Variants in BCAM observed in about 807,000 individuals in gnomAD.
The protein encoded by BCAM is basal cell adhesion molecule.
Under a neutral mutation model 72.4 loss-of-function variants are expected in BCAM, and 61 were observed. That is an observed-to-expected ratio of 0.84 (90% confidence interval 0.69 to 1.04). The LOEUF is 1.04. Among genes scored for constraint, BCAM ranks in the 50% least tolerant of loss-of-function variants. The probability of loss-of-function intolerance (pLI) is 0.00; values close to 1 mark genes in which losing one functional copy is unlikely to be tolerated. For synonymous variants in BCAM, 408 were observed against 384.2 expected, an observed-to-expected ratio of 1.06 and a Z score of -0.73; for missense variants, 909 against 895.0, an observed-to-expected ratio of 1.02 and a Z score of -0.20.
Position 44,820,833 on chromosome 19 carries a change from G to A in BCAM, c.1881+11G>A, listed in dbSNP as rs1844613748. 11 of 1,520,154 alleles carry A rather than the reference G, an allele frequency of 7.2e-6. No individual in the cohort carries two copies. In the East Asian group the frequency reaches 9.9e-5, roughly 14 times the overall value. The allele number at this position is 1,520,154 out of a possible 1,614,324, so 94.2% of individuals were successfully genotyped here. A position where few individuals can be genotyped will look rare whatever the true frequency, so the allele number is the denominator to read the frequency against. The stretch of plus-strand genomic sequence containing the variant: ...GGCTTCGGAGACGAGGTGGGTGAGG[G>A]CCTGGGCCCCCTGGTGAGAGGGACC... On this transcript the variant is annotated intron_variant, in intron 14 of 14. Transcript: ENST00000270233.
chr19:44,818,664 C>A lies in BCAM; in HGVS notation c.1194+27C>A. ...TGAGAGGGAGAGGAGCCCCCTCGGG[C>A]CCTGCACTCGCACCCTCCTCTCTCC... is the stretch of plus-strand genomic sequence containing the variant. On this transcript the variant is annotated intron_variant, in intron 9 of 14. Transcript: ENST00000270233. This position sits in a 1 kb window ranked among gnomAD's most constrained non-coding sequence, Gnocchi z 4.6. 6.2e-7 allele frequency: 1 copy of A among 1,612,182 alleles called. No homozygotes were observed. The highest frequency in any genetic ancestry group is 8.5e-7 in the Non-Finnish European group (1 of 1,178,540).
chr19:44,809,203 C>A lies in BCAM; in HGVS notation c.79C>A (p.Pro27Thr). 6.8e-7 allele frequency: 1 copy of A among 1,473,510 alleles called. No individual in the cohort carries two copies. The highest frequency in any genetic ancestry group is 2.3e-5 in the Admixed American group (1 of 42,564). The allele number at this position is 1,473,510 out of a possible 1,614,324, so 91.3% of individuals were successfully genotyped here. Residue 27 changes from proline (P) to threonine (T), a missense_variant, in exon 1 of 15, where the codon CCA becomes ACA. Pro to Thr is a conservative substitution (Grantham distance 38). Coordinates refer to ENST00000270233, the MANE Select transcript of BCAM (RefSeq NM_005581.5). ...LLLAVLLAAH[P>T]DAQAEVRLSV... ...GCTCGCAGTCCTGCTGGCGGCGCAC[C>A]CAGGTATGGCTCGGGCTGAGGGCAA...
At position 44,813,436 on chromosome 19, in the gene BCAM, A is replaced by G; in HGVS notation, c.602-2A>G. 6.2e-7 allele frequency: 1 copy of G among 1,610,580 alleles called. No individual in the cohort carries two copies. The highest frequency in any genetic ancestry group is 8.5e-7 in the Non-Finnish European group (1 of 1,179,096). ...ACTGCCACCTCCCCCGATCTCTCCC[A>G]GAGGGCTACATGACCAGCCGCACGG... On this transcript the variant is annotated splice_acceptor_variant, in intron 5 of 14. Coordinates refer to ENST00000270233, the MANE Select transcript of BCAM (RefSeq NM_005581.5). LOFTEE classifies it high-confidence loss of function. This position sits in a 1 kb window ranked among gnomAD's most constrained non-coding sequence, Gnocchi z 4.2.
chr19:44,813,267 C>G lies in BCAM; in HGVS notation c.522C>G (p.Ser174Arg). ...DSAQEIATCN[S>R]RNGNPAPKIT... ...TGCCTCAGATCGCCACCTGCAACAG[C>G]CGGAACGGGAACCCGGCCCCCAAGA... The change falls in exon 5 of 15, where the codon AGC becomes AGG. Residue 174 changes from serine to arginine, a missense_variant. Ser to Arg is a moderately radical substitution (Grantham distance 110, BLOSUM62 -1). Transcript: ENST00000270233. This position sits in a 1 kb window ranked among gnomAD's most constrained non-coding sequence, Gnocchi z 4.2. 6.2e-7 allele frequency: 1 copy of G among 1,614,104 alleles called. No homozygotes were observed. Among genetic ancestry groups the G allele is most frequent in the Non-Finnish European group, 8.5e-7 (1 of 1,180,014 alleles).
In BCAM at chr19:44,814,137, C is replaced by T. The variant is rs373025182; in HGVS notation, c.785-15C>T. The T allele has an allele frequency of 1.5e-5, 24 of 1,573,394 alleles. No homozygotes were observed. In the African/African-American group the frequency reaches 2.6e-4, roughly 17 times the overall value. ...TCCCCTGATCACAATTCCCATCTCC[C>T]TGCCCTTCCCTTAGATCCCACGGAG... On this transcript the variant is annotated splice_polypyrimidine_tract_variant and intron_variant, in intron 6 of 14. Coordinates refer to ENST00000270233, the MANE Select transcript of BCAM (RefSeq NM_005581.5). The surrounding 1 kb of genome is among the most constrained non-coding windows in gnomAD (Gnocchi z 4.6).
rs1044072401 is a variant in BCAM, at chr19:44,821,377, G to A, written c.*456G>A. ...ACCTCCGCCCCACCCCATCATCTGT[G>A]GACACTGGAGTCTGGAATAAATGCT... On this transcript the variant is annotated 3_prime_UTR_variant, in exon 15 of 15. Coordinates refer to ENST00000270233, the MANE Select transcript of BCAM (RefSeq NM_005581.5). 6.5e-6 allele frequency: 1 copy of A among 152,710 alleles called. No individual in the cohort carries two copies. The highest frequency in any genetic ancestry group is 2.6e-5 in the African/African-American group (1 of 38,164). The allele number at this position is 152,710 out of a possible 1,614,324, so 9.5% of individuals were successfully genotyped here.
chr19:44,812,284 G>C lies in BCAM; in HGVS notation c.326G>C (p.Arg109Pro). The C allele has an allele frequency of 6.2e-7, 1 of 1,611,326 alleles. No individual in the cohort carries two copies. Among genetic ancestry groups the C allele is most frequent in the Non-Finnish European group, 8.5e-7 (1 of 1,178,332 alleles). ...SPPYQLDSQG[R>P]LVLAEAQVGD... Reference sequence around the variant, plus strand: ...CCATACCAGCTGGACTCCCAGGGGCGCCTGGTGCTGGCTGAGGCCCAGGTG... The same window carrying C: ...CCATACCAGCTGGACTCCCAGGGGCCCCTGGTGCTGGCTGAGGCCCAGGTG... Residue 109 changes from arginine to proline, a missense_variant, in exon 3 of 15, where the codon CGC becomes CCC. Arg to Pro is a moderately radical substitution (Grantham distance 103, BLOSUM62 -2). Coordinates refer to ENST00000270233, the MANE Select transcript of BCAM (RefSeq NM_005581.5). This position sits in a 1 kb window ranked among gnomAD's most constrained non-coding sequence, Gnocchi z 5.3.
In BCAM at chr19:44,813,185, G is replaced by A. The variant is rs1439168877; in HGVS notation, c.505-65G>A. On this transcript the variant is annotated intron_variant, in intron 4 of 14. Coordinates refer to ENST00000270233, the MANE Select transcript of BCAM (RefSeq NM_005581.5). This position sits in a 1 kb window ranked among gnomAD's most constrained non-coding sequence, Gnocchi z 4.2. ...ATGAGTCTGAGTGGGGAGAACTCCT[G>A]AGAGAGGAGCCCCGACTTCAGAGTC... The A allele has an allele frequency of 6.4e-7, 1 of 1,568,718 alleles. No homozygotes were observed. The highest frequency in any genetic ancestry group is 2.2e-5 in the East Asian group (1 of 44,614).
At position 44,814,515 on chromosome 19, in the gene BCAM, A is replaced by T; in HGVS notation, c.922-89A>T. The T allele has an allele frequency of 6.5e-7, 1 of 1,527,040 alleles. No homozygotes were observed. Among genetic ancestry groups the T allele is most frequent in the South Asian group, 1.3e-5 (1 of 79,318 alleles). 94.6% of individuals were successfully genotyped at this position (1,527,040 alleles called of 1,614,324 possible). A position where few individuals can be genotyped will look rare whatever the true frequency, so the allele number is the denominator to read the frequency against. On this transcript the variant is annotated intron_variant, in intron 7 of 14. Coordinates refer to ENST00000270233, the MANE Select transcript of BCAM (RefSeq NM_005581.5). This position sits in a 1 kb window ranked among gnomAD's most constrained non-coding sequence, Gnocchi z 4.6. ...CCCTGACCCCTGATTCTGGCTTAGC[A>T]TGACACTAACCTGGTGGCTTCTGAC...
rs139610351 is a variant in BCAM, at chr19:44,814,191, C to T, written c.824C>T (p.Ser275Phe). Residue 275 changes from serine (S) to phenylalanine (F), a missense_variant, in exon 7 of 15, where the codon TCC becomes TTC. Ser to Phe is a radical substitution (Grantham distance 155). Transcript: ENST00000270233. The surrounding 1 kb of genome is among the most constrained non-coding windows in gnomAD (Gnocchi z 4.6). ...EHVQFWVGSP[S>F]TPAGWVREGD... The stretch of plus-strand genomic sequence containing the variant: ...GTGCAGTTCTGGGTGGGCAGCCCGT[C>T]CACCCCAGCAGGCTGGGTACGCGAG... 3,145 of 1,583,606 alleles carry T rather than the reference C, an allele frequency of 2.0e-3. 7 individuals are homozygous for T. Among genetic ancestry groups the T allele is most frequent in the South Asian group, 3.3e-3 (295 of 88,174 alleles).
In BCAM at chr19:44,814,246, G is replaced by A; in HGVS notation, c.879G>A (p.Gly293=). 2 of 1,590,398 alleles carry A rather than the reference G, an allele frequency of 1.3e-6. No homozygotes were observed. The highest frequency in any genetic ancestry group is 1.9e-5 in the Admixed American group (1 of 53,740). ...EGDTVQLLCR[G]DGSPSPEYTL... Reference sequence around the variant, plus strand: ...ACACTGTCCAGCTGCTCTGCCGGGGGGACGGCAGCCCCAGCCCGGAGTATA... The same window carrying A: ...ACACTGTCCAGCTGCTCTGCCGGGGAGACGGCAGCCCCAGCCCGGAGTATA... Residue 293 remains glycine, a synonymous_variant, in exon 7 of 15, where the codon GGG becomes GGA. Coordinates refer to ENST00000270233, the MANE Select transcript of BCAM (RefSeq NM_005581.5). This position sits in a 1 kb window ranked among gnomAD's most constrained non-coding sequence, Gnocchi z 4.6.
chr19:44,821,000 C>T lies in BCAM; in HGVS notation c.*79C>T, dbSNP rs372443863. On this transcript the variant is annotated 3_prime_UTR_variant, in exon 15 of 15. Coordinates refer to ENST00000270233, the MANE Select transcript of BCAM (RefSeq NM_005581.5). Reference sequence around the variant, plus strand: ...ACCAGCCCTGCTCACGCCATGCCCGCCCCCGCCTTCCCTCTTCCCTCTTCC... The same window carrying T: ...ACCAGCCCTGCTCACGCCATGCCCGTCCCCGCCTTCCCTCTTCCCTCTTCC... The T allele has an allele frequency of 4.3e-5, 62 of 1,432,434 alleles. No homozygotes were observed. In the African/African-American group the frequency reaches 6.8e-4, roughly 16 times the overall value. The allele number at this position is 1,432,434 out of a possible 1,614,324, so 88.7% of individuals were successfully genotyped here.
At chr19:44,815,094 A>G (rs28399657) in intron 8 of BCAM, among the ~76,000 whole-genome samples, 4,068 of 151,818 alleles carry the variant, frequency 0.027, 65 homozygotes, top group Non-Finnish European at 0.032. Flanking sequence ...AGAATCTGCC[A>G]TGGCTCCCCA....
At position 44,813,351 on chromosome 19, in the gene BCAM, G is replaced by A. The variant is rs2122553971; in HGVS notation, c.601+5G>A. The A allele has an allele frequency of 1.9e-6, 3 of 1,613,654 alleles. No homozygotes were observed. The East Asian group carries it at 6.7e-5, about 36-fold the overall frequency. ...TGCCCGTAGAGATGAACCCAGGTGAGCAGCGCAGGAGCGCGGCGGGACGTG... is the reference window on the plus strand; with the variant it reads ...TGCCCGTAGAGATGAACCCAGGTGAACAGCGCAGGAGCGCGGCGGGACGTG... On this transcript the variant is annotated splice_donor_5th_base_variant and intron_variant, in intron 5 of 14. Coordinates refer to ENST00000270233, the MANE Select transcript of BCAM (RefSeq NM_005581.5). The surrounding 1 kb of genome is among the most constrained non-coding windows in gnomAD (Gnocchi z 4.2).
At chr19:44,810,318 C>T (rs1366486490) in intron 1 of BCAM, among the ~76,000 whole-genome samples, 1 of 152,126 alleles carries the variant, frequency 6.6e-6, no homozygotes, top group African/African-American at 2.4e-5. Context: ...CGACTTATCC[C>T]GTTTGCTGTT....
intron 8 of BCAM, among the ~76,000 whole-genome samples, chr19:44,816,871 G>A (rs1411064909): frequency 2.6e-5 from 4 of 151,708 alleles, no homozygotes; most frequent in Admixed American, 6.6e-5. Context: ...CCTGGGAGGC[G>A]GAGGTTGCAG....
At position 44,813,701 on chromosome 19, in the gene BCAM, C is replaced by G; in HGVS notation, c.784+81C>G. Reference sequence around the variant, plus strand: ...TGACCCTCCACCCGGGGGCTTCACACTCCCCTCTGACCCTCTGCCTCCCTA... The same window carrying G: ...TGACCCTCCACCCGGGGGCTTCACAGTCCCCTCTGACCCTCTGCCTCCCTA... On this transcript the variant is annotated intron_variant, in intron 6 of 14. Transcript: ENST00000270233. The surrounding 1 kb of genome is among the most constrained non-coding windows in gnomAD (Gnocchi z 4.2). 6.6e-7 allele frequency: 1 copy of G among 1,524,952 alleles called. No homozygotes were observed. The highest frequency in any genetic ancestry group is 8.9e-7 in the Non-Finnish European group (1 of 1,129,312). The allele number at this position is 1,524,952 out of a possible 1,614,324, so 94.5% of individuals were successfully genotyped here. A position where few individuals can be genotyped will look rare whatever the true frequency, so the allele number is the denominator to read the frequency against.
intron 14 of BCAM, 41 bp downstream of exon 14, chr19:44,820,863 G>T (rs1327438042): frequency 6.5e-7 from 1 of 1,542,906 alleles, no homozygotes; most frequent in Admixed American, 2.0e-5. Context: ...GGGACCTGCT[G>T]GGCAGTGGAG....
Position 44,813,475 on chromosome 19 carries a change from G to C in BCAM, c.639G>C (p.Ser213=), listed in dbSNP as rs141778381. 1 of 1,612,106 alleles carries C rather than the reference G, an allele frequency of 6.2e-7. No homozygotes were observed. The highest frequency in any genetic ancestry group is 1.7e-5 in the Admixed American group (1 of 60,006). Reference sequence around the variant, plus strand: ...CCAGCCGCACGGTCCGGGAGGCCTCGGGCCTGCTCTCCCTCACCAGCACCC... The same window carrying C: ...CCAGCCGCACGGTCCGGGAGGCCTCCGGCCTGCTCTCCCTCACCAGCACCC... The part of the protein sequence containing the change: ...YMTSRTVREA[S]GLLSLTSTLY... Residue 213 remains serine (S), a synonymous_variant, in exon 6 of 15, where the codon TCG becomes TCC. Coordinates refer to ENST00000270233, the MANE Select transcript of BCAM (RefSeq NM_005581.5). This position sits in a 1 kb window ranked among gnomAD's most constrained non-coding sequence, Gnocchi z 4.2.
Sources: gnomAD v4.1 joint callset for allele counts (sites outside exome capture counted in the v4.1 genomes callset) on GRCh38, gnomAD v4.1.1 for gene constraint, Gnocchi (gnomAD v3.1) non-coding constraint, MANE v1.5 for transcripts, NCBI Gene and HGNC (gene_info 2026-07-23, HGNC 2026-07-21) for gene names.